EPHA5: variants seen among roughly 807,000 people sequenced by gnomAD.
EPHA5 encodes ephrin type-A receptor 5.
EPHA5 carries 60 observed loss-of-function variants against 105.0 expected under a neutral mutation model. That is an observed-to-expected ratio of 0.57 (90% confidence interval 0.46 to 0.71). EPHA5 has a LOEUF of 0.71. Ranked by LOEUF, EPHA5 falls within the 30% of genes least tolerant of loss-of-function variation. The pLI, the probability that EPHA5 is intolerant of heterozygous loss-of-function variation, is 0.00. For missense variants in EPHA5, 1,218 were observed against 1,274.7 expected (o/e 0.96, Z 0.68); for synonymous variants, 513 against 449.1 (o/e 1.14, Z -1.80).
In EPHA5 at chr4:65,632,625, G is replaced by T. The variant is rs1270690534; in HGVS notation, c.246+10738C>A. ...AATACCTGATTATCAATCAGTAACT[G>T]ATATAGGTAATGCAAATTTATATTT... On this transcript the variant is annotated intron_variant, in intron 2 of 16. Transcript: ENST00000613740. Among the ~76,000 whole-genome samples the T allele has an allele frequency of 2.0e-5, 3 of 151,414 alleles. No individual in the cohort carries two copies. In the East Asian group the frequency reaches 5.8e-4, roughly 29 times the overall value.
intron 16 of EPHA5, among the ~76,000 whole-genome samples, chr4:65,327,388 C>T (rs891068247): frequency 2.6e-5 from 4 of 151,206 alleles, no homozygotes; most frequent in Non-Finnish European, 4.4e-5. Flanking sequence ...TCTTTCTCCT[C>T]TTCCTTTTAC....
At chr4:65,511,045 G>A (rs1382606799) in intron 3 of EPHA5, among the ~76,000 whole-genome samples, 1 of 152,158 alleles carries the variant, frequency 6.6e-6, no homozygotes, top group Non-Finnish European at 1.5e-5. Flanking sequence ...AGGACACAGT[G>A]AGAAAGCAGC....
Position 65,602,061 on chromosome 4 carries a change from T to A in EPHA5, c.490A>T (p.Arg164Ter). Residue 164 changes from arginine to a stop codon, truncating the protein, a stop_gained, in exon 3 of 17, where the codon AGA (arginine) becomes TGA (stop). Transcript: ENST00000613740. LOFTEE classifies it high-confidence loss of function. Reference sequence around the variant, plus strand: ...ATGTATTGGTTTTCCTTGATGTTTCTCCCATTCTGATCATCTGACTCAAAG... The same window carrying A: ...ATGTATTGGTTTTCCTTGATGTTTCACCCATTCTGATCATCTGACTCAAAG... The part of the protein sequence containing the change: ...YYFESDDQNG[R>*]NIKENQYIKI... 6.2e-7 allele frequency: 1 copy of A among 1,614,156 alleles called. No homozygotes were observed. Among genetic ancestry groups the A allele is most frequent in the Non-Finnish European group, 8.5e-7 (1 of 1,180,014 alleles).
chr4:65,511,273 A>T (rs544126914), intron 3 of EPHA5, among the ~76,000 whole-genome samples: 1 of 152,306 alleles, frequency 6.6e-6, no homozygotes, highest in African/African-American at 2.4e-5. Flanking sequence ...GTATCAACTA[A>T]GTTATGTCTT....
chr4:65,578,435 T>C (rs1240960499), intron 3 of EPHA5, among the ~76,000 whole-genome samples: 1 of 152,124 alleles, frequency 6.6e-6, no homozygotes, highest in East Asian at 1.9e-4. Flanking sequence ...AGCCAGGCTG[T>C]GTTGGGCCTG....
chr4:65,414,803 GGAGCATGT>G (rs1723238996), intron 6 of EPHA5, among the ~76,000 whole-genome samples: 1 of 151,828 alleles, frequency 6.6e-6, no homozygotes, highest in Admixed American at 6.6e-5. Context: ...ATAGTTAATC[GGAGCATGT>G]CTAACATACT....
chr4:65,465,464 AG>A (rs1217130555), intron 5 of EPHA5, among the ~76,000 whole-genome samples: 91 of 117,848 alleles, frequency 7.7e-4, no homozygotes, highest in Admixed American at 1.7e-3. Context: ...AAGAAAAGAA[AG>A]AAAAAGAAAG....
intron 3 of EPHA5, among the ~76,000 whole-genome samples, chr4:65,496,646 T>G (rs1461574863): frequency 1.3e-5 from 2 of 151,816 alleles, no homozygotes; most frequent in African/African-American, 4.8e-5. Context: ...ACATTTGGGT[T>G]GGTTCCAAGT....
chr4:65,427,002 G>T (rs181068418), intron 5 of EPHA5, among the ~76,000 whole-genome samples: 1 of 151,746 alleles, frequency 6.6e-6, no homozygotes, highest in East Asian at 1.9e-4. Context: ...CTGGAGCAAA[G>T]AATAAATAAA....
chr4:65,349,968 C>A (rs1722658329), intron 13 of EPHA5, among the ~76,000 whole-genome samples: 1 of 152,100 alleles, frequency 6.6e-6, no homozygotes, highest in African/African-American at 2.4e-5. Context: ...AGATTTTCCA[C>A]AGGCTGCCAC....
chr4:65,427,845 TATA>T (rs1724596076), intron 5 of EPHA5, among the ~76,000 whole-genome samples: 2 of 152,198 alleles, frequency 1.3e-5, no homozygotes, highest in Admixed American at 1.3e-4. Flanking sequence ...TGAATAATAG[TATA>T]ATACTGTCTA....
chr4:65,548,973 A>C (rs56122599), intron 3 of EPHA5, among the ~76,000 whole-genome samples: 17,423 of 152,152 alleles, frequency 0.11, 1,433 homozygotes, highest in East Asian at 0.3. Context: ...CCTCTAACCT[A>C]GCAGTGTCCT....
intron 3 of EPHA5, among the ~76,000 whole-genome samples, chr4:65,547,842 G>A (rs1416711533): frequency 6.6e-6 from 1 of 151,996 alleles, no homozygotes; most frequent in Non-Finnish European, 1.5e-5. Context: ...GACCCTGAAA[G>A]GCTGCAGTCT....
At chr4:65,606,123 C>G (rs954573346) in intron 2 of EPHA5, among the ~76,000 whole-genome samples, 2 of 152,108 alleles carry the variant, frequency 1.3e-5, no homozygotes, top group Non-Finnish European at 2.9e-5. Flanking sequence ...GCATTAATTG[C>G]TACACAACAT....
At chr4:65,476,032 T>G (rs969602672) in intron 5 of EPHA5, among the ~76,000 whole-genome samples, 1 of 151,174 alleles carries the variant, frequency 6.6e-6, no homozygotes, top group African/African-American at 2.4e-5. Context: ...AAAATAAATA[T>G]CAGAACTTCC....
intron 3 of EPHA5, among the ~76,000 whole-genome samples, chr4:65,539,614 C>A (rs557042963): frequency 3.2e-4 from 49 of 151,602 alleles, no homozygotes; most frequent in African/African-American, 1.2e-3. Context: ...AGATATTGCT[C>A]CCTCACTCAA....
intron 8 of EPHA5, among the ~76,000 whole-genome samples, chr4:65,395,131 T>C (rs1471154579): frequency 6.6e-6 from 1 of 152,178 alleles, no homozygotes; most frequent in African/African-American, 2.4e-5. Flanking sequence ...ATAAGAACTG[T>C]GCCAGGCATG....
rs185856831 is a variant in EPHA5 at position 65,516,708 on chromosome 4, A to G, written c.911-21165T>C. Among the ~76,000 whole-genome samples, 354 of 152,214 alleles carry G rather than the reference A, an allele frequency of 2.3e-3. 1 individual carries two copies. The highest frequency in any genetic ancestry group is 5.0e-3 in the Admixed American group (76 of 15,258). ...ATATATTCTATAAGACGCAATCTTC[A>G]AAAGAGAAAATTTTCTTCCTTTTAA... On this transcript the variant is annotated intron_variant, in intron 3 of 16. Transcript: ENST00000613740.
chr4:65,457,069 A>G (rs1278326453), intron 5 of EPHA5, among the ~76,000 whole-genome samples: 1 of 59,246 alleles, frequency 1.7e-5, no homozygotes, highest in Non-Finnish European at 4.9e-5. Context: ...TAAAAGCAGG[A>G]AAAAAAAATA....
Sources: allele counts gnomAD v4.1 joint callset (sites outside exome capture counted in the v4.1 genomes callset), GRCh38; gene constraint gnomAD v4.1.1; transcripts MANE v1.5; gene names NCBI Gene and HGNC (gene_info 2026-07-23, HGNC 2026-07-21).